RIMS1: variants seen among roughly 807,000 people sequenced by gnomAD.
RIMS1 encodes regulating synaptic membrane exocytosis 1.
A neutral mutation model predicts 214.1 loss-of-function variants in RIMS1; 83 were observed. The ratio of observed to expected loss-of-function variants is 0.39; its 90% CI spans 0.32 to 0.47. The LOEUF is 0.47. RIMS1 is among the 20% of genes least tolerant of loss of function. RIMS1 has a pLI of 0.99. For missense variants in RIMS1, 2,050 were observed against 2,161.8 expected, an observed-to-expected ratio of 0.95 and a Z score of 1.03; for synonymous variants, 793 against 786.8, an observed-to-expected ratio of 1.01 and a Z score of -0.13.
intron 2 of RIMS1, among the ~76,000 whole-genome samples, chr6:71,990,585 C>T (rs1801294377): frequency 6.6e-6 from 1 of 152,086 alleles, no homozygotes; most frequent in African/African-American, 2.4e-5. Flanking sequence ...CCTAAGCCTG[C>T]TCCTCCAGCC....
At chr6:72,244,792 G>A (rs2068648905) in intron 10 of RIMS1, among the ~76,000 whole-genome samples, 1 of 151,822 alleles carries the variant, frequency 6.6e-6, no homozygotes, top group Non-Finnish European at 1.5e-5. Context: ...TAGTCAAAAT[G>A]ACAACTGCAG....
chr6:72,376,299 C>A (rs569837613), intron 29 of RIMS1, among the ~76,000 whole-genome samples: 1 of 152,258 alleles, frequency 6.6e-6, no homozygotes, highest in East Asian at 1.9e-4. Context: ...TCCTGCCTCA[C>A]TTCCATGAGG....
At chr6:72,057,539 G>A (rs1227323783) in intron 2 of RIMS1, among the ~76,000 whole-genome samples, 2 of 132,302 alleles carry the variant, frequency 1.5e-5, no homozygotes, top group South Asian at 4.7e-4. Context: ...ATGGAGTCTC[G>A]CTCTGTTGCC....
intron 2 of RIMS1, among the ~76,000 whole-genome samples, chr6:72,038,118 A>ATATATATAT (rs1326074998): frequency 1.5e-4 from 2 of 13,416 alleles, no homozygotes; most frequent in Admixed American, 1.4e-3. Context: ...AAAAAAAAAA[A>ATATATATAT]ATATATATAT....
chr6:72,247,952 A>T, intron 11 of RIMS1, 63 bp from the exon 12 acceptor site: 1 of 1,091,706 alleles, frequency 9.2e-7, no homozygotes, highest in Non-Finnish European at 1.4e-6. Flanking sequence ...GGATGCATTT[A>T]ACATTTTATT....
At chr6:72,152,877 A>G (rs9350453) in intron 4 of RIMS1, among the ~76,000 whole-genome samples, 2,684 of 101,244 alleles carry the variant, frequency 0.027, 296 homozygotes, top group East Asian at 0.089. Flanking sequence ...ATATATATGG[A>G]ATATATGTAT....
In RIMS1 at chr6:72,306,301, T is replaced by C. The variant is rs899842510; in HGVS notation, c.3851-957T>C. ...TACAACTTAAAAATCTGAATACTTG[T>C]TGCAGAAGTTGAGTTGTCTGGGAAG... On this transcript the variant is annotated intron_variant, in intron 26 of 33. Coordinates refer to ENST00000521978, the MANE Select transcript of RIMS1 (RefSeq NM_014989.7). Among the ~76,000 whole-genome samples the C allele has an allele frequency of 3.3e-5, 5 of 151,770 alleles. 1 individual carries two copies. In the South Asian group the frequency reaches 8.3e-4, roughly 25 times the overall value.
chr6:72,008,981 A>G (rs939693830), intron 2 of RIMS1, among the ~76,000 whole-genome samples: 1 of 152,204 alleles, frequency 6.6e-6, no homozygotes, highest in African/African-American at 2.4e-5. Flanking sequence ...GGCCTAAAAG[A>G]CACCTACAGA....
At chr6:72,333,232 T>C (rs377365072) in intron 28 of RIMS1, among the ~76,000 whole-genome samples, 3 of 152,062 alleles carry the variant, frequency 2.0e-5, no homozygotes, top group East Asian at 3.9e-4. Context: ...GGAATATATA[T>C]GAACTTTTCT....
At chr6:72,152,847 G>T (rs2043859277) in intron 4 of RIMS1, among the ~76,000 whole-genome samples, 5 of 65,166 alleles carry the variant, frequency 7.7e-5, no homozygotes, top group Non-Finnish European at 1.1e-4. Context: ...TGTATATATG[G>T]AATATATGTA....
intron 4 of RIMS1, among the ~76,000 whole-genome samples, chr6:72,146,223 A>G (rs1003568526): frequency 2.6e-5 from 4 of 152,166 alleles, no homozygotes; most frequent in African/African-American, 9.7e-5. Flanking sequence ...AATATTTTTA[A>G]AAAGGCAAAA....
intron 2 of RIMS1, among the ~76,000 whole-genome samples, chr6:71,986,731 C>A (rs1332657022): frequency 1.3e-5 from 2 of 152,192 alleles, no homozygotes; most frequent in Non-Finnish European, 2.9e-5. Context: ...GTGTTGTGAC[C>A]AGGCATGATA....
At chr6:71,931,439 CA>C (rs1783005320) in intron 1 of RIMS1, among the ~76,000 whole-genome samples, 1 of 151,972 alleles carries the variant, frequency 6.6e-6, no homozygotes. Context: ...ATAATAACAA[CA>C]AATTCATCAT....
chr6:71,893,403 C>A (rs1770589571), intron 1 of RIMS1, among the ~76,000 whole-genome samples: 1 of 151,680 alleles, frequency 6.6e-6, no homozygotes, highest in Non-Finnish European at 1.5e-5. Flanking sequence ...TTTGAAAGAT[C>A]TAAAAGGCAA....
At position 72,217,076 on chromosome 6, in the gene RIMS1, ATGT is replaced by A. The variant is rs1402350223; in HGVS notation, c.1679-16693_1679-16691del. On this transcript the variant is annotated intron_variant, in intron 6 of 33. Coordinates refer to ENST00000521978, the MANE Select transcript of RIMS1 (RefSeq NM_014989.7). Reference sequence around the variant, plus strand: ...AGGACCACAGGGAATTTTATTTAAAATGTTGTATTTTGGTGGATTTTTTAATTG... The same window carrying A: ...AGGACCACAGGGAATTTTATTTAAAATGTATTTTGGTGGATTTTTTAATTG... The A allele has an allele frequency of 2.0e-6, 3 of 1,495,776 alleles. No homozygotes were observed. The African/African-American group carries it at 4.2e-5, about 21-fold the overall frequency. 92.7% of individuals were successfully genotyped at this position (1,495,776 alleles called of 1,614,324 possible).
chr6:72,206,647 C>T (rs2052968954), intron 6 of RIMS1, among the ~76,000 whole-genome samples: 1 of 152,226 alleles, frequency 6.6e-6, no homozygotes, highest in South Asian at 2.1e-4. Flanking sequence ...ATTCTAGTTG[C>T]GTATATAGCA....
chr6:72,246,051 C>T (rs1177955120), intron 11 of RIMS1, among the ~76,000 whole-genome samples, 190 bp downstream of exon 11: 1 of 151,948 alleles, frequency 6.6e-6, no homozygotes, highest in African/African-American at 2.4e-5. Flanking sequence ...GATTTTTCTT[C>T]CTCTACTTTT....
intron 6 of RIMS1, among the ~76,000 whole-genome samples, chr6:72,204,142 G>A (rs1376340101): frequency 1.3e-5 from 2 of 152,172 alleles, no homozygotes; most frequent in African/African-American, 4.8e-5. Flanking sequence ...GTGCTTGGGA[G>A]CACATAAATG....
chr6:72,300,018 A>G (rs947532025), intron 26 of RIMS1, among the ~76,000 whole-genome samples: 5 of 151,800 alleles, frequency 3.3e-5, no homozygotes, highest in African/African-American at 4.8e-5. Flanking sequence ...CTTATTATGA[A>G]TCTTAATGAA....
Sources: gnomAD v4.1 joint callset for allele counts (sites outside exome capture counted in the v4.1 genomes callset) on GRCh38, gnomAD v4.1.1 for gene constraint, MANE v1.5 for transcripts, NCBI Gene and HGNC (gene_info 2026-07-23, HGNC 2026-07-21) for gene names.